Variants in HTT observed in about 807,000 individuals in gnomAD.
The protein encoded by HTT is huntingtin.
A neutral mutation model predicts 362.3 loss-of-function variants in HTT; 104 were observed. The ratio of observed to expected loss-of-function variants is 0.29; its 90% CI spans 0.24 to 0.34. HTT has a LOEUF of 0.34. Among genes scored for constraint, HTT ranks in the 10% least tolerant of loss-of-function variants. HTT has a pLI of 1.00. For missense variants in HTT, 3,301 were observed against 3,928.6 expected (o/e 0.84, Z 4.27); for synonymous variants, 1,577 against 1,548.7 (o/e 1.02, Z -0.43).
At chr4:3,106,710 G>T (rs914527396) in intron 5 of HTT, among the ~76,000 whole-genome samples, 1 of 152,070 alleles carries the variant, frequency 6.6e-6, no homozygotes, top group Admixed American at 6.6e-5. Context: ...GTTCTCAGCG[G>T]AACAGTCACT....
At chr4:3,134,248 A>G (rs202093988) in intron 18 of HTT, among the ~76,000 whole-genome samples, 153 bp from the exon 19 acceptor site, 37 of 152,356 alleles carry the variant, frequency 2.4e-4, no homozygotes, top group Non-Finnish European at 4.1e-4. Flanking sequence ...TTCTTAATCA[A>G]TGTTCTTGAG....
intron 33 of HTT, among the ~76,000 whole-genome samples, chr4:3,175,915 C>T (rs1279561546): frequency 6.6e-6 from 1 of 152,144 alleles, no homozygotes; most frequent in African/African-American, 2.4e-5. Context: ...CACTGTTACT[C>T]ACCTGAAAGG....
chr4:3,114,981 A>C (rs904774655), intron 6 of HTT, among the ~76,000 whole-genome samples: 3 of 151,826 alleles, frequency 2.0e-5, no homozygotes, highest in Non-Finnish European at 4.4e-5. Flanking sequence ...TAACTTTGTC[A>C]TTTGTTGATT....
At chr4:3,200,905 CG>C (rs1560590721) in intron 41 of HTT, among the ~76,000 whole-genome samples, 2 of 152,172 alleles carry the variant, frequency 1.3e-5, no homozygotes, top group Admixed American at 6.5e-5. Context: ...GCTGCTTTAA[CG>C]TGCATAGAAA....
rs1424520727 is a variant in HTT at position 3,233,361 on chromosome 4, G to C, written c.8456+8G>C. ...CCTGAAAGGGATCGCCCAGTGAGTGGGAGCCTGGCTGGGGCTGGGGCGGGG... is the reference window on the plus strand; with the variant it reads ...CCTGAAAGGGATCGCCCAGTGAGTGCGAGCCTGGCTGGGGCTGGGGCGGGG... On this transcript the variant is annotated splice_region_variant and intron_variant, in intron 61 of 66. Coordinates refer to ENST00000355072, the MANE Select transcript of HTT (RefSeq NM_001388492.1). The C allele has an allele frequency of 5.7e-6, 9 of 1,588,052 alleles. No homozygotes were observed. Among genetic ancestry groups the C allele is most frequent in the South Asian group, 3.3e-5 (3 of 90,282 alleles).
At position 3,240,708 on chromosome 4, in the gene HTT, A is replaced by T. The variant is rs1302589993; in HGVS notation, c.*649A>T. 6.5e-6 allele frequency: 1 copy of T among 153,452 alleles called. No individual in the cohort carries two copies. The highest frequency in any genetic ancestry group is 1.9e-4 in the East Asian group (1 of 5,208). The allele number at this position is 153,452 out of a possible 1,614,324, so 9.5% of individuals were successfully genotyped here. On this transcript the variant is annotated 3_prime_UTR_variant, in exon 67 of 67. Coordinates refer to ENST00000355072, the MANE Select transcript of HTT (RefSeq NM_001388492.1). ...ATGTGAATCGCAAGGCCTGTGCTGC[A>T]TGCGACAGCGTCCGGGGTGGTGGAC...
In HTT at chr4:3,103,691, A is replaced by G. The variant is rs1714272583; in HGVS notation, c.469-133A>G. The G allele has an allele frequency of 4.7e-6, 3 of 631,950 alleles. No individual in the cohort carries two copies. In the East Asian group the frequency reaches 7.9e-5, roughly 17 times the overall value. The allele number at this position is 631,950 out of a possible 1,614,324, so 39.1% of individuals were successfully genotyped here. On this transcript the variant is annotated intron_variant, in intron 3 of 66. Transcript: ENST00000355072. ...GCATATATTTGTTTCTTTCATTCTT[A>G]ATGAATATATTCTTAATTTAGTTGC...
Position 3,165,302 on chromosome 4 carries a change from T to C in HTT, c.3864+4910T>C, listed in dbSNP as rs184451773. Among the ~76,000 whole-genome samples the C allele has an allele frequency of 1.7e-4, 26 of 152,350 alleles. No individual in the cohort carries two copies. In the East Asian group the frequency reaches 3.7e-3, roughly 21 times the overall value. On this transcript the variant is annotated intron_variant, in intron 29 of 66. Transcript: ENST00000355072. ...GCAGAGAGATCTGCTGTTAGTCTGA[T>C]GGGCTTCCCTTTGTGGGTAACCCGA...
At position 3,243,843 on chromosome 4, in the gene HTT, A is replaced by T. The variant is rs2110313487; in HGVS notation, c.*3784A>T. 1 of 152,364 alleles carries T rather than the reference A, an allele frequency of 6.6e-6. No homozygotes were observed. Among genetic ancestry groups the T allele is most frequent in the Non-Finnish European group, 1.5e-5 (1 of 68,038 alleles). The allele number at this position is 152,364 out of a possible 1,614,324, so 9.4% of individuals were successfully genotyped here. A position where few individuals can be genotyped will look rare whatever the true frequency, so the allele number is the denominator to read the frequency against. On this transcript the variant is annotated 3_prime_UTR_variant, in exon 67 of 67. Coordinates refer to ENST00000355072, the MANE Select transcript of HTT (RefSeq NM_001388492.1). ...TGTGATGGGCGAGTCCCGGAGCCCC[A>T]CCCAGACCTGAATGCTTCTGAGAGC... is the stretch of plus-strand genomic sequence containing the variant.
intron 11 of HTT, among the ~76,000 whole-genome samples, chr4:3,126,921 G>A (rs937028916): frequency 2.6e-5 from 4 of 152,170 alleles, no homozygotes; most frequent in Admixed American, 6.5e-5. Context: ...CTAGCTTTGC[G>A]CCCCTGACTA....
rs566214016 is a variant in HTT, at chr4:3,228,205, C to T, written c.7849-410C>T. Among the ~76,000 whole-genome samples the T allele has an allele frequency of 6.6e-6, 1 of 152,280 alleles. No individual in the cohort carries two copies. Among genetic ancestry groups the T allele is most frequent in the African/African-American group, 2.4e-5 (1 of 41,554 alleles). On this transcript the variant is annotated intron_variant, in intron 57 of 66. Coordinates refer to ENST00000355072, the MANE Select transcript of HTT (RefSeq NM_001388492.1). This position sits in a 1 kb window ranked among gnomAD's most constrained non-coding sequence, Gnocchi z 4.3. ...ATCTAGAGCGCGGGTCACAAAGGCG[C>T]GAGGGAGCTCTGGCCTTGGGTTTAC...
At chr4:3,168,627 G>A (rs1330951969) in intron 29 of HTT, among the ~76,000 whole-genome samples, 2 of 151,940 alleles carry the variant, frequency 1.3e-5, no homozygotes, top group South Asian at 2.1e-4. Flanking sequence ...TATTATAGAC[G>A]ATTTTTCATG....
intron 6 of HTT, among the ~76,000 whole-genome samples, chr4:3,109,884 G>A (rs894486736): frequency 1.3e-5 from 2 of 151,984 alleles, no homozygotes; most frequent in African/African-American, 2.4e-5. Flanking sequence ...TGCTGGGGAC[G>A]GGGGGGCCAC....
intron 21 of HTT, among the ~76,000 whole-genome samples, chr4:3,140,260 CAAA>C (rs754479930): frequency 1.2e-4 from 10 of 83,060 alleles, no homozygotes; most frequent in Non-Finnish European, 7.5e-5. Context: ...CATTCTGTCT[CAAA>C]AAAAAAAAAA....
chr4:3,098,433 A>G (rs1185457615), intron 2 of HTT, among the ~76,000 whole-genome samples: 1 of 152,218 alleles, frequency 6.6e-6, no homozygotes, highest in East Asian at 1.9e-4. Flanking sequence ...GATGCTTCAA[A>G]AATAGCACAT....
intron 6 of HTT, among the ~76,000 whole-genome samples, 167 bp from the exon 7 acceptor site, chr4:3,115,134 CTCT>C (rs1489876758): frequency 6.6e-6 from 1 of 152,152 alleles, no homozygotes; most frequent in Admixed American, 6.5e-5. Context: ...CTGTAAACTG[CTCT>C]TGAGTGTCCC....
chr4:3,130,169 T>A (rs1715735028), intron 13 of HTT, 122 bp downstream of exon 13: 1 of 1,140,098 alleles, frequency 8.8e-7, no homozygotes, highest in African/African-American at 1.6e-5. Flanking sequence ...GAATAGCTGA[T>A]GAAAATGACC....
At chr4:3,239,812 ATTTGCCGGCC>A (rs778042155) in intron 66 of HTT, 24 bp from the exon 67 acceptor site, 1 of 1,507,724 alleles carries the variant, frequency 6.6e-7, no homozygotes, top group African/African-American at 1.4e-5. Flanking sequence ...CATTCCCCTC[ATTTGCCGGCC>A]TTTTTCCTTA....
intron 40 of HTT, among the ~76,000 whole-genome samples, chr4:3,195,357 C>T (rs924054377): frequency 1.3e-5 from 2 of 152,078 alleles, no homozygotes; most frequent in Admixed American, 6.6e-5. Context: ...ACACGGCTTG[C>T]GGAGCTGCTG....
Sources: gnomAD v4.1 joint callset for allele counts (sites outside exome capture counted in the v4.1 genomes callset) on GRCh38, gnomAD v4.1.1 for gene constraint, Gnocchi (gnomAD v3.1) non-coding constraint, MANE v1.5 for transcripts, NCBI Gene and HGNC (gene_info 2026-07-23, HGNC 2026-07-21) for gene names.